CFDP1: variants seen among roughly 807,000 people sequenced by gnomAD.
CFDP1 encodes the protein heterochromatin-stabilizing protein CFDP1.
A neutral mutation model predicts 40.1 loss-of-function variants in CFDP1; 31 were observed. The observed-to-expected ratio is 0.77, with a 90% CI of 0.58 to 1.04. CFDP1 has a LOEUF of 1.04. Among genes scored for constraint, CFDP1 ranks in the 50% least tolerant of loss-of-function variants. The probability of loss-of-function intolerance (pLI) is 0.00; values close to 1 mark genes in which losing one functional copy is unlikely to be tolerated. For missense variants in CFDP1, 423 were observed against 343.4 expected, an observed-to-expected ratio of 1.23 and a Z score of -1.83; for synonymous variants, 167 against 120.0, an observed-to-expected ratio of 1.39 and a Z score of -2.56.
chr16:75,423,252 G>C (rs1343121327), intron 1 of CFDP1, among the ~76,000 whole-genome samples: 1 of 144,052 alleles, frequency 6.9e-6, no homozygotes. Context: ...CTGCACGCCA[G>C]CCTGGGTGAC....
intron 1 of CFDP1, among the ~76,000 whole-genome samples, chr16:75,426,909 G>A (rs2079348357): frequency 6.6e-6 from 1 of 151,870 alleles, no homozygotes; most frequent in Admixed American, 6.6e-5. Context: ...ACAAAAATTA[G>A]CTGGGTGTGG....
Position 75,433,502 on chromosome 16 carries a change from A to T in CFDP1, c.-150T>A. ...GCTTTGCACATGCGCAGAGAGTACTACGTGGTTGCCCTACGACACTTCCGG... is the reference window on the plus strand; with the variant it reads ...GCTTTGCACATGCGCAGAGAGTACTTCGTGGTTGCCCTACGACACTTCCGG... On this transcript the variant is annotated 5_prime_UTR_variant, in exon 1 of 7. Transcript: ENST00000283882. 1.5e-6 allele frequency: 1 copy of T among 687,506 alleles called. No individual in the cohort carries two copies. The highest frequency in any genetic ancestry group is 2.5e-6 in the Non-Finnish European group (1 of 403,016). The allele number at this position is 687,506 out of a possible 1,614,324, so 42.6% of individuals were successfully genotyped here.
chr16:75,348,386 G>A (rs1003844310), intron 5 of CFDP1, among the ~76,000 whole-genome samples: 2 of 152,156 alleles, frequency 1.3e-5, no homozygotes, highest in African/African-American at 2.4e-5. Flanking sequence ...TGGGAACTCT[G>A]TACTATCTTT....
intron 5 of CFDP1, among the ~76,000 whole-genome samples, chr16:75,322,878 A>G (rs2078374774): frequency 6.6e-6 from 1 of 152,198 alleles, no homozygotes; most frequent in Admixed American, 6.5e-5. Context: ...GAAGTTTACC[A>G]TGAATGGTGG....
At chr16:75,363,288 AT>A (rs1337317673) in intron 5 of CFDP1, among the ~76,000 whole-genome samples, 5 of 136,404 alleles carry the variant, frequency 3.7e-5, no homozygotes, top group South Asian at 2.4e-4. Context: ...AAAAAAAAAA[AT>A]TTTTGCCATC....
At chr16:75,353,935 T>G (rs1255420260) in intron 5 of CFDP1, among the ~76,000 whole-genome samples, 1 of 152,160 alleles carries the variant, frequency 6.6e-6, no homozygotes, top group Non-Finnish European at 1.5e-5. Flanking sequence ...AGCCCCTTTC[T>G]GGGAACAGAA....
chr16:75,403,898 G>A (rs904506849), intron 4 of CFDP1, among the ~76,000 whole-genome samples: 5 of 152,124 alleles, frequency 3.3e-5, no homozygotes, highest in Admixed American at 1.3e-4. Context: ...TTGGGAGGCC[G>A]AAGTGGGCGT....
intron 5 of CFDP1, among the ~76,000 whole-genome samples, chr16:75,362,071 C>T (rs7192448): frequency 0.073 from 11,100 of 152,158 alleles, 423 homozygotes; most frequent in Middle Eastern, 0.13. Flanking sequence ...ATGCTTTTGC[C>T]GCAATCGAAT....
At chr16:75,414,846 C>T in intron 1 of CFDP1, 151 bp from the exon 2 acceptor site, 1 of 609,746 alleles carries the variant, frequency 1.6e-6, no homozygotes, top group South Asian at 2.0e-5. Flanking sequence ...ACATCATTTC[C>T]TTGGGGAAGT....
intron 1 of CFDP1, among the ~76,000 whole-genome samples, chr16:75,423,911 G>A (rs562598447): frequency 3.7e-4 from 57 of 152,208 alleles, no homozygotes; most frequent in African/African-American, 1.3e-3. Flanking sequence ...CCATGGCTGT[G>A]GAAACCACAG....
intron 2 of CFDP1, among the ~76,000 whole-genome samples, chr16:75,413,775 A>G (rs987939685): frequency 1.3e-5 from 2 of 152,228 alleles, no homozygotes; most frequent in African/African-American, 2.4e-5. Flanking sequence ...CCCTTATCTA[A>G]GTTAAATAAC....
chr16:75,368,336 G>A (rs745329051), intron 5 of CFDP1, among the ~76,000 whole-genome samples: 5 of 152,102 alleles, frequency 3.3e-5, no homozygotes, highest in African/African-American at 4.8e-5. Flanking sequence ...ATCACAGCAC[G>A]TTAAAGTTTT....
intron 4 of CFDP1, among the ~76,000 whole-genome samples, chr16:75,397,396 C>T (rs1318292816): frequency 1.3e-5 from 2 of 151,438 alleles, no homozygotes; most frequent in Non-Finnish European, 2.9e-5. Context: ...ATGCCTGTAA[C>T]TCCAGCTACT....
chr16:75,420,111 C>CAAAAAAAAAAAA (rs10706144), intron 1 of CFDP1, among the ~76,000 whole-genome samples: 8 of 62,604 alleles, frequency 1.3e-4, no homozygotes, highest in East Asian at 7.9e-4. Flanking sequence ...ACCTTCATCT[C>CAAAAAAAAAAAA]AAAAAAAAAA....
At chr16:75,353,928 C>T (rs2078629664) in intron 5 of CFDP1, among the ~76,000 whole-genome samples, 1 of 151,954 alleles carries the variant, frequency 6.6e-6, no homozygotes, top group East Asian at 1.9e-4. Flanking sequence ...TGTTCTAAGC[C>T]CCTTTCTGGG....
intron 5 of CFDP1, among the ~76,000 whole-genome samples, chr16:75,320,879 T>G (rs867318164): frequency 1.3e-5 from 2 of 152,160 alleles, no homozygotes; most frequent in African/African-American, 4.8e-5. Context: ...CCTCTAAGAA[T>G]GAAGAGAAAC....
At chr16:75,337,572 G>A (rs1224300197) in intron 5 of CFDP1, among the ~76,000 whole-genome samples, 1 of 152,176 alleles carries the variant, frequency 6.6e-6, no homozygotes, top group African/African-American at 2.4e-5. Flanking sequence ...ATTGCCTCAT[G>A]GTTCCACAGG....
rs3975152 is a variant in CFDP1, at chr16:75,353,748, CAAAAAAAAAAA to C, written c.650+41331_650+41341del. Among the ~76,000 whole-genome samples, 44 of 72,330 alleles carry C rather than the reference CAAAAAAAAAAA, an allele frequency of 6.1e-4. No homozygotes were observed. In the Middle Eastern group the frequency reaches 0.04, roughly 65 times the overall value. 47.5% of individuals were successfully genotyped at this position (72,330 alleles called of 152,430 possible). A position where few individuals can be genotyped will look rare whatever the true frequency, so the allele number is the denominator to read the frequency against. On this transcript the variant is annotated intron_variant, in intron 5 of 6. Coordinates refer to ENST00000283882, the MANE Select transcript of CFDP1 (RefSeq NM_006324.3). Reference sequence around the variant, plus strand: ...TGGGCGACACAGCAAAAGTCCGTCTCAAAAAAAAAAAAAAAAAAAAAAAAAAAAGTCATTAA... The same window carrying C: ...TGGGCGACACAGCAAAAGTCCGTCTCAAAAAAAAAAAAAAAAAGTCATTAA...
intron 5 of CFDP1, among the ~76,000 whole-genome samples, chr16:75,330,868 T>C (rs960459566): frequency 6.6e-6 from 1 of 151,620 alleles, no homozygotes; most frequent in African/African-American, 2.4e-5. Context: ...CCAAGTACAC[T>C]GAGTCCAAGT....
Sources: allele counts gnomAD v4.1 joint callset (sites outside exome capture counted in the v4.1 genomes callset), GRCh38; gene constraint gnomAD v4.1.1; transcripts MANE v1.5; gene names NCBI Gene and HGNC (gene_info 2026-07-23, HGNC 2026-07-21).